The following STAG1 variants were observed in gnomAD, a reference collection of about 807,000 sequenced individuals.
STAG1 encodes the protein cohesin subunit SA-1.
STAG1 carries 26 observed loss-of-function variants against 170.9 expected under a neutral mutation model. That is an observed-to-expected ratio of 0.15 (90% CI 0.11 to 0.21). The LOEUF (loss-of-function observed/expected upper bound fraction) is 0.21. Among genes scored for constraint, STAG1 ranks in the 10% least tolerant of loss-of-function variants. STAG1 has a pLI of 1.00. For missense variants in STAG1, 964 were observed against 1,509.5 expected (o/e 0.64, Z 5.99); for synonymous variants, 514 against 497.7 (o/e 1.03, Z -0.44).
chr3:136,514,097 T>A (rs1336516597), intron 7 of STAG1, among the ~76,000 whole-genome samples: 2 of 152,222 alleles, frequency 1.3e-5, no homozygotes, highest in Non-Finnish European at 2.9e-5. Flanking sequence ...TTTTTCTGAA[T>A]TCTCTGTAAG....
Position 136,477,419 on chromosome 3 carries a change from A to G in STAG1, c.903-7T>C, listed in dbSNP as rs758350377. On this transcript the variant is annotated splice_region_variant and splice_polypyrimidine_tract_variant and intron_variant, in intron 9 of 33. Transcript: ENST00000383202. ...AATCTCAGCAATAGCATCACTAGAG[A>G]GAGAAAAAAAAGACAATCTCAAATT... is the stretch of plus-strand genomic sequence containing the variant. 6.3e-7 allele frequency: 1 copy of G among 1,592,468 alleles called. No homozygotes were observed. Among genetic ancestry groups the G allele is most frequent in the South Asian group, 1.2e-5 (1 of 86,776 alleles).
At chr3:136,374,296 A>G (rs1275697860) in intron 23 of STAG1, among the ~76,000 whole-genome samples, 1 of 145,708 alleles carries the variant, frequency 6.9e-6, no homozygotes, top group African/African-American at 2.5e-5. Flanking sequence ...AATAAATAGA[A>G]AAAAGCTTCT....
chr3:136,488,320 G>A (rs1213539880), intron 9 of STAG1, among the ~76,000 whole-genome samples: 8 of 152,106 alleles, frequency 5.3e-5, no homozygotes, highest in South Asian at 2.1e-4. Context: ...ACAGGGTTTC[G>A]CCATGTTAGC....
At chr3:136,568,905 A>G (rs1268896546) in intron 4 of STAG1, 44 bp from the exon 5 acceptor site, 5 of 1,392,506 alleles carry the variant, frequency 3.6e-6, no homozygotes, top group African/African-American at 2.9e-5. Flanking sequence ...AAAAAATTTG[A>G]TATTATAGCA....
intron 4 of STAG1, among the ~76,000 whole-genome samples, chr3:136,580,440 C>T: frequency 6.6e-6 from 1 of 150,750 alleles, no homozygotes; most frequent in East Asian, 1.9e-4. Context: ...AAAAAGGTGG[C>T]TATTATATGG....
chr3:136,579,677 C>A (rs1937548953), intron 4 of STAG1, among the ~76,000 whole-genome samples: 1 of 152,150 alleles, frequency 6.6e-6, no homozygotes, highest in African/African-American at 2.4e-5. Context: ...ACTGACTGCC[C>A]TGAAACTTTA....
chr3:136,363,318 CAAT>C lies in STAG1; in HGVS notation c.2787+45_2787+47del, dbSNP rs758506013. The C allele has an allele frequency of 2.2e-4, 214 of 967,690 alleles. 3 individuals are homozygous for C. The South Asian group carries it at 2.8e-3, about 13-fold the overall frequency. 59.9% of individuals were successfully genotyped at this position (967,690 alleles called of 1,614,324 possible). ...AGCAAATATTAAGCACAGAGAAGTG[CAAT>C]AATGTTATTTCCATTCTTTGTCTCC... is the stretch of plus-strand genomic sequence containing the variant. On this transcript the variant is annotated intron_variant, in intron 26 of 33. Transcript: ENST00000383202.
At chr3:136,535,617 CGT>C (rs1049561337) in intron 6 of STAG1, among the ~76,000 whole-genome samples, 95 of 152,280 alleles carry the variant, frequency 6.2e-4, no homozygotes, top group African/African-American at 2.2e-3. Context: ...GAGCTGAGAT[CGT>C]GCCACTGCAC....
chr3:136,538,639 T>C (rs573455918), intron 6 of STAG1, among the ~76,000 whole-genome samples: 13 of 152,162 alleles, frequency 8.5e-5, no homozygotes, highest in African/African-American at 3.1e-4. Flanking sequence ...GGCTGTTCTG[T>C]GAACTTCTGA....
At chr3:136,350,592 A>G (rs888689685) in intron 28 of STAG1, among the ~76,000 whole-genome samples, 5 of 152,160 alleles carry the variant, frequency 3.3e-5, no homozygotes, top group Non-Finnish European at 5.9e-5. Flanking sequence ...CCCTGCTCAA[A>G]GAGCCAGAGG....
At chr3:136,354,668 A>G (rs1350410550) in intron 28 of STAG1, among the ~76,000 whole-genome samples, 1 of 150,584 alleles carries the variant, frequency 6.6e-6, no homozygotes, top group Non-Finnish European at 1.5e-5. Context: ...CTAAAAAAAT[A>G]CAATTAAAGA....
chr3:136,730,292 C>A (rs1199498155), intron 1 of STAG1, among the ~76,000 whole-genome samples: 1 of 152,150 alleles, frequency 6.6e-6, no homozygotes, highest in Non-Finnish European at 1.5e-5. Context: ...ATTGAAGGAA[C>A]TGCTAAATTT....
rs1488911488 is a variant in STAG1, at chr3:136,362,025, G to A, written c.2787+1341C>T. 1.3e-5 allele frequency among the ~76,000 whole-genome samples: 2 copies of A among 151,702 alleles called. 1 individual carries two copies. Among genetic ancestry groups the A allele is most frequent in the South Asian group, 4.2e-4 (2 of 4,784 alleles). The stretch of plus-strand genomic sequence containing the variant: ...GGCTGGAGTGCAATGGCATGATCTT[G>A]GATACCTGCAACCCCCGCCTCCCAG... On this transcript the variant is annotated intron_variant, in intron 26 of 33. Coordinates refer to ENST00000383202, the MANE Select transcript of STAG1 (RefSeq NM_005862.3).
At chr3:136,345,153 G>C (rs750365011) in intron 29 of STAG1, among the ~76,000 whole-genome samples, 1 of 152,010 alleles carries the variant, frequency 6.6e-6, no homozygotes, top group Non-Finnish European at 1.5e-5. Context: ...ACAGTGGCAC[G>C]ATCTTGGCTC....
intron 13 of STAG1, among the ~76,000 whole-genome samples, chr3:136,459,443 T>C (rs552977554): frequency 1.2e-4 from 18 of 152,158 alleles, no homozygotes; most frequent in Admixed American, 8.5e-4. Flanking sequence ...TTTTCAGCAA[T>C]GGGAAGATTA....
At chr3:136,476,460 A>G (rs1001556419) in intron 10 of STAG1, among the ~76,000 whole-genome samples, 2 of 152,224 alleles carry the variant, frequency 1.3e-5, no homozygotes, top group Non-Finnish European at 2.9e-5. Context: ...TGAATATGGT[A>G]TTCCAGGGGG....
chr3:136,464,770 T>A (rs2089404323), intron 13 of STAG1, 111 bp downstream of exon 13: 1 of 808,870 alleles, frequency 1.2e-6, no homozygotes, highest in East Asian at 2.7e-5. Flanking sequence ...GAGTATCAGA[T>A]GGACATTTTC....
chr3:136,375,831 G>A (rs770353222), intron 23 of STAG1, among the ~76,000 whole-genome samples: 71 of 151,778 alleles, frequency 4.7e-4, no homozygotes, highest in South Asian at 8.3e-4. Context: ...TTAGCCAGGC[G>A]TAGTGGTGGG....
Position 136,377,555 on chromosome 3 carries a change from G to C in STAG1, c.2370+105C>G, listed in dbSNP as rs1036112319. On this transcript the variant is annotated intron_variant, in intron 23 of 33. Transcript: ENST00000383202. Reference sequence around the variant, plus strand: ...TTGTTCCAGGTCCAGTAAATGTTAGGAATGAACATGTGTACAAAAACTGCC... The same window carrying C: ...TTGTTCCAGGTCCAGTAAATGTTAGCAATGAACATGTGTACAAAAACTGCC... The C allele has an allele frequency of 3.7e-6, 3 of 809,388 alleles. No individual in the cohort carries two copies. The African/African-American group carries it at 5.1e-5, about 14-fold the overall frequency. The allele number at this position is 809,388 out of a possible 1,614,324, so 50.1% of individuals were successfully genotyped here. A position where few individuals can be genotyped will look rare whatever the true frequency, so the allele number is the denominator to read the frequency against.
Sources: allele counts gnomAD v4.1 joint callset (sites outside exome capture counted in the v4.1 genomes callset), GRCh38; gene constraint gnomAD v4.1.1; transcripts MANE v1.5; gene names NCBI Gene and HGNC (gene_info 2026-07-23, HGNC 2026-07-21).